Variants in TOX observed in about 807,000 individuals in gnomAD.
TOX encodes the protein thymocyte selection-associated high mobility group box protein TOX.
TOX carries 11 observed loss-of-function variants against 53.7 expected under a neutral mutation model. The observed-to-expected ratio is 0.20, with a 90% CI of 0.13 to 0.34. TOX has a LOEUF of 0.34. Among genes scored for constraint, TOX ranks in the 10% least tolerant of loss-of-function variants. The probability of loss-of-function intolerance (pLI) is 1.00; values close to 1 mark genes in which losing one functional copy is unlikely to be tolerated. For synonymous variants in TOX, 225 were observed against 245.3 expected (o/e 0.92, Z 0.77); for missense variants, 570 against 664.6 (o/e 0.86, Z 1.56).
At chr8:59,025,541 C>T (rs78108201) in intron 1 of TOX, among the ~76,000 whole-genome samples, 2,356 of 152,178 alleles carry the variant, frequency 0.015, 63 homozygotes, top group African/African-American at 0.053. Context: ...ACACTTCTAG[C>T]CTTCTCTATA....
intron 1 of TOX, among the ~76,000 whole-genome samples, chr8:59,090,793 T>G (rs74909926): frequency 0.016 from 2,429 of 152,254 alleles, 59 homozygotes; most frequent in African/African-American, 0.056. Context: ...TTCCACCTCC[T>G]AGTGTGCTAA....
intron 3 of TOX, among the ~76,000 whole-genome samples, chr8:58,880,971 A>G (rs1332592168): frequency 1.3e-5 from 2 of 152,042 alleles, no homozygotes; most frequent in African/African-American, 4.8e-5. Context: ...TTATTTAACA[A>G]ATAATGACTG....
chr8:59,027,271 C>T (rs913847738), intron 1 of TOX, among the ~76,000 whole-genome samples: 2 of 152,158 alleles, frequency 1.3e-5, no homozygotes, highest in African/African-American at 2.4e-5. Context: ...ACATCTCCAG[C>T]AGGCAGAAAT....
intron 2 of TOX, 132 bp downstream of exon 2, chr8:58,959,811 A>T: frequency 9.6e-7 from 1 of 1,036,332 alleles, no homozygotes; most frequent in Non-Finnish European, 1.5e-6. Flanking sequence ...AACAAGGCTT[A>T]AATGCTTTGT....
rs1223306878 is a variant in TOX, at chr8:58,807,850, G to A, written c.1545-67C>T. 6 of 1,585,306 alleles carry A rather than the reference G, an allele frequency of 3.8e-6. No homozygotes were observed. In the African/African-American group the frequency reaches 5.4e-5, roughly 14 times the overall value. ...CCTGTGCTACAGGTGACAATGGGGGGATGGATGTCTTTGAATTATTTGCTC... is the reference window on the plus strand; with the variant it reads ...CCTGTGCTACAGGTGACAATGGGGGAATGGATGTCTTTGAATTATTTGCTC... On this transcript the variant is annotated intron_variant, in intron 8 of 8. Transcript: ENST00000361421.
chr8:58,966,518 G>A (rs778666115), intron 1 of TOX, among the ~76,000 whole-genome samples: 17 of 152,200 alleles, frequency 1.1e-4, no homozygotes, highest in East Asian at 3.9e-4. Flanking sequence ...GGTACAGTGC[G>A]GCTGCTTGGA....
intron 3 of TOX, among the ~76,000 whole-genome samples, chr8:58,865,479 C>T (rs1811081656): frequency 6.6e-6 from 1 of 151,186 alleles, no homozygotes; most frequent in Non-Finnish European, 1.5e-5. Flanking sequence ...CCTTTGCCTG[C>T]TTTTCTGTCC....
At chr8:59,083,431 T>C (rs546235638) in intron 1 of TOX, among the ~76,000 whole-genome samples, 2 of 152,318 alleles carry the variant, frequency 1.3e-5, no homozygotes, top group South Asian at 2.1e-4. Context: ...TATTTGGTTA[T>C]TAGGTTTATT....
chr8:59,107,049 G>GGA (rs879873685), intron 1 of TOX, among the ~76,000 whole-genome samples: 1 of 130,256 alleles, frequency 7.7e-6, no homozygotes, highest in African/African-American at 3.0e-5. Flanking sequence ...AGTTTGCTGG[G>GGA]GGGGGGGGGA....
At chr8:59,100,056 A>T (rs925037181) in intron 1 of TOX, among the ~76,000 whole-genome samples, 1 of 152,106 alleles carries the variant, frequency 6.6e-6, no homozygotes, top group African/African-American at 2.4e-5. Context: ...ATAAAATGCA[A>T]TTACGGAGAA....
chr8:58,830,319 T>C (rs772429504), intron 5 of TOX, among the ~76,000 whole-genome samples: 8 of 152,172 alleles, frequency 5.3e-5, no homozygotes, highest in Non-Finnish European at 8.8e-5. Flanking sequence ...AAGGATTGCA[T>C]CTCAGTGGCT....
intron 1 of TOX, among the ~76,000 whole-genome samples, chr8:59,049,515 A>T (rs1015703656): frequency 1.3e-5 from 2 of 152,226 alleles, no homozygotes; most frequent in Non-Finnish European, 2.9e-5. Flanking sequence ...TCAAAGTATT[A>T]AATATTAGAA....
At chr8:59,095,868 TG>T (rs1297299364) in intron 1 of TOX, among the ~76,000 whole-genome samples, 1 of 152,216 alleles carries the variant, frequency 6.6e-6, no homozygotes, top group Non-Finnish European at 1.5e-5. Context: ...ACTGATGTGT[TG>T]TAGAATAGAT....
intron 6 of TOX, among the ~76,000 whole-genome samples, chr8:58,816,051 C>T (rs894451064): frequency 1.3e-5 from 2 of 152,124 alleles, no homozygotes; most frequent in East Asian, 1.9e-4. Context: ...AGGCAGATGC[C>T]GTGAATGCCC....
intron 3 of TOX, among the ~76,000 whole-genome samples, chr8:58,879,060 CA>C (rs36010111): frequency 4.2e-4 from 54 of 128,040 alleles, no homozygotes; most frequent in Non-Finnish European, 5.7e-4. Flanking sequence ...GACTTCATCT[CA>C]AAAAAAAAAA....
chr8:59,067,960 T>C (rs762960784), intron 1 of TOX, among the ~76,000 whole-genome samples: 1 of 152,218 alleles, frequency 6.6e-6, no homozygotes, highest in Non-Finnish European at 1.5e-5. Flanking sequence ...AAAATTACCA[T>C]ATGTAGAAAT....
intron 3 of TOX, among the ~76,000 whole-genome samples, chr8:58,938,706 T>A (rs1270231144): frequency 6.6e-6 from 1 of 152,240 alleles, no homozygotes; most frequent in Non-Finnish European, 1.5e-5. Flanking sequence ...CACATTCTTA[T>A]TAAATTTGAA....
chr8:58,951,741 C>A (rs1456812978), intron 2 of TOX, among the ~76,000 whole-genome samples: 1 of 152,120 alleles, frequency 6.6e-6, no homozygotes. Flanking sequence ...CATCGGAACC[C>A]TTGGGAATTT....
chr8:59,005,102 G>A (rs1813764534), intron 1 of TOX, among the ~76,000 whole-genome samples: 1 of 151,346 alleles, frequency 6.6e-6, no homozygotes, highest in Non-Finnish European at 1.5e-5. Flanking sequence ...GCAGTGGCAC[G>A]ATCTCGGCTC....
Sources: gnomAD v4.1 joint callset for allele counts (sites outside exome capture counted in the v4.1 genomes callset) on GRCh38, gnomAD v4.1.1 for gene constraint, MANE v1.5 for transcripts, NCBI Gene and HGNC (gene_info 2026-07-23, HGNC 2026-07-21) for gene names.